Variants in HPGD observed in about 807,000 individuals in gnomAD.
The protein encoded by HPGD is 15-hydroxyprostaglandin dehydrogenase [NAD(+)].
Under a neutral mutation model 30.0 loss-of-function variants are expected in HPGD, and 29 were observed. That is an observed-to-expected ratio of 0.97 (90% CI 0.72 to 1.32). HPGD has a LOEUF of 1.32. Ranked by LOEUF, HPGD falls within the 40% of genes most tolerant of loss-of-function variation. The pLI, the probability that HPGD is intolerant of heterozygous loss-of-function variation, is 0.00. For synonymous variants in HPGD, 99 were observed against 112.4 expected, an observed-to-expected ratio of 0.88 and a Z score of 0.75; for missense variants, 340 against 322.1, an observed-to-expected ratio of 1.06 and a Z score of -0.43.
At chr4:174,511,869 A>G (rs963184401) in intron 3 of HPGD, among the ~76,000 whole-genome samples, 2 of 152,110 alleles carry the variant, frequency 1.3e-5, no homozygotes, top group Non-Finnish European at 2.9e-5. Context: ...GATGGTCTCA[A>G]TCTCCTGACC....
At chr4:174,513,616 A>G (rs1735623441) in intron 3 of HPGD, among the ~76,000 whole-genome samples, 3 of 152,076 alleles carry the variant, frequency 2.0e-5, no homozygotes, top group African/African-American at 7.2e-5. Context: ...TTAAAAAGGC[A>G]GATGTTCCCA....
At chr4:174,493,399 T>C in intron 5 of HPGD, 85 bp from the exon 6 acceptor site, 1 of 1,358,336 alleles carries the variant, frequency 7.4e-7, no homozygotes, top group Non-Finnish European at 1.1e-6. Flanking sequence ...CTTACAATTT[T>C]CTGATGTAAA....
rs1263852766 is a variant in HPGD at position 174,494,452 on chromosome 4, A to AT, written c.498+1095dup. Among the ~76,000 whole-genome samples, 1 of 152,158 alleles carries AT rather than the reference A, an allele frequency of 6.6e-6. No homozygotes were observed. Among genetic ancestry groups the AT allele is most frequent in the Non-Finnish European group, 1.5e-5 (1 of 68,024 alleles). ...GACTGTAGAAGTTTCCAGTCTTGTAATTTTAAATATAAAATTTCTGGTCTT... is the reference window on the plus strand; with the variant it reads ...GACTGTAGAAGTTTCCAGTCTTGTAATTTTTAAATATAAAATTTCTGGTCTT... On this transcript the variant is annotated intron_variant, in intron 5 of 6. Coordinates refer to ENST00000296522, the MANE Select transcript of HPGD (RefSeq NM_000860.6). The surrounding 1 kb of genome is among the most constrained non-coding windows in gnomAD (Gnocchi z 4.9).
At chr4:174,522,665 T>C, upstream of HPGD, 1 of 468,840 alleles carries the variant, frequency 2.1e-6, no homozygotes, top group Non-Finnish European at 3.7e-6. Flanking sequence ...TCGCGATCTT[T>C]GCCTTCCGGA....
At chr4:174,516,003 C>A (rs1160174058) in intron 3 of HPGD, among the ~76,000 whole-genome samples, 5 of 151,934 alleles carry the variant, frequency 3.3e-5, no homozygotes, top group Admixed American at 3.3e-4. Context: ...GTTGGCTTGG[C>A]GAGGCTGTAG....
At chr4:174,516,472 C>G (rs1735779651) in intron 3 of HPGD, among the ~76,000 whole-genome samples, 1 of 151,984 alleles carries the variant, frequency 6.6e-6, no homozygotes, top group African/African-American at 2.4e-5. Flanking sequence ...CAATAGTCCC[C>G]AAGGTCTACT....
intron 4 of HPGD, among the ~76,000 whole-genome samples, chr4:174,508,371 C>T (rs1360248115): frequency 6.6e-6 from 1 of 152,154 alleles, no homozygotes; most frequent in Non-Finnish European, 1.5e-5. Flanking sequence ...GTGCTTTTTA[C>T]TTTGCCAAAG....
At chr4:174,503,145 A>C (rs1288673987) in intron 4 of HPGD, among the ~76,000 whole-genome samples, 2 of 152,088 alleles carry the variant, frequency 1.3e-5, no homozygotes, top group Non-Finnish European at 2.9e-5. Context: ...GATTACTTCT[A>C]CTATGTGTCT....
chr4:174,509,027 A>G (rs1735333522), intron 3 of HPGD, among the ~76,000 whole-genome samples: 1 of 152,234 alleles, frequency 6.6e-6, no homozygotes, highest in Admixed American at 6.5e-5. Flanking sequence ...TTAGTTGCCC[A>G]ATATGAGATT....
At position 174,508,793 on chromosome 4, in the gene HPGD, C is replaced by CAAAT; in HGVS notation, c.325-2_325-1insATTT. On this transcript the variant is annotated splice_acceptor_variant, in intron 3 of 6. Coordinates refer to ENST00000296522, the MANE Select transcript of HPGD (RefSeq NM_000860.6). LOFTEE classifies it high-confidence loss of function. ...GATAGGTTCCACTGATAACAGAAAC[C>CAAAT]TAATCCAGAGGCATAAGTGAGAAAA... 1 of 1,537,336 alleles carries CAAAT rather than the reference C, an allele frequency of 6.5e-7. No individual in the cohort carries two copies. The highest frequency in any genetic ancestry group is 9.0e-7 in the Non-Finnish European group (1 of 1,110,834).
At chr4:174,511,938 T>G (rs764250068) in intron 3 of HPGD, among the ~76,000 whole-genome samples, 1 of 152,116 alleles carries the variant, frequency 6.6e-6, no homozygotes, top group East Asian at 1.9e-4. Flanking sequence ...GAGTCACCGC[T>G]CCCGGCCTGC....
At chr4:174,498,368 C>T (rs1008032127) in intron 4 of HPGD, among the ~76,000 whole-genome samples, 3 of 151,816 alleles carry the variant, frequency 2.0e-5, no homozygotes, top group African/African-American at 7.3e-5. Context: ...TACAATAAAA[C>T]TGCACGTATT....
At chr4:174,521,430 T>G (rs1490367262) in intron 2 of HPGD, among the ~76,000 whole-genome samples, 2 of 152,206 alleles carry the variant, frequency 1.3e-5, no homozygotes, top group Non-Finnish European at 2.9e-5. Context: ...TTTAAAGTAC[T>G]GTCTCATTGG....
Position 174,493,243 on chromosome 4 carries a change from G to A in HPGD, c.570C>T (p.Ile190=), listed in dbSNP as rs766867050. The part of the protein sequence containing the change: ...AICPGFVNTA[I]LESIEKEENM... ...TTTCTTCTTTTTCAATTGATTCAAG[G>A]ATGGCTGTGTTAACAAAGCCTGGAC... The change falls in exon 6 of 7, where the codon ATC becomes ATT. Residue 190 remains isoleucine (I), a synonymous_variant. Transcript: ENST00000296522. The A allele has an allele frequency of 1.2e-6, 2 of 1,612,790 alleles. No homozygotes were observed. The highest frequency in any genetic ancestry group is 1.1e-5 in the South Asian group (1 of 91,046).
chr4:174,519,653 C>A (rs1223883266), intron 2 of HPGD, among the ~76,000 whole-genome samples: 3 of 152,170 alleles, frequency 2.0e-5, no homozygotes, highest in Non-Finnish European at 4.4e-5. Flanking sequence ...CCTGGCTCAT[C>A]CTGGCTCAAA....
rs1734610194 is a variant in HPGD, at chr4:174,496,642, G to T, written c.422-1018C>A. On this transcript the variant is annotated intron_variant, in intron 4 of 6. Transcript: ENST00000296522. The surrounding 1 kb of genome is among the most constrained non-coding windows in gnomAD (Gnocchi z 4.6). ...TCTGAGTCAAGTAACAGTGATCCCT[G>T]ATTATTATACTATATTTAATATCAA... Among the ~76,000 whole-genome samples the T allele has an allele frequency of 1.3e-5, 2 of 152,120 alleles. No individual in the cohort carries two copies. The highest frequency in any genetic ancestry group is 4.1e-4 in the South Asian group (2 of 4,820).
chr4:174,493,155 A>G lies in HPGD; in HGVS notation c.658T>C (p.Leu220=), dbSNP rs765590699. 33 of 1,589,380 alleles carry G rather than the reference A, an allele frequency of 2.1e-5. No individual in the cohort carries two copies. Among genetic ancestry groups the G allele is most frequent in the Non-Finnish European group, 2.7e-5 (31 of 1,161,094 alleles). ...IKDMIKYYGI[L]DPPLIANGLI... ...AATAGACATAGTTTTACTTACTCCAAAATTCCATAGTATTTAATCATATCC... is the reference window on the plus strand; with the variant it reads ...AATAGACATAGTTTTACTTACTCCAGAATTCCATAGTATTTAATCATATCC... The change falls in exon 6 of 7, where the codon TTG becomes CTG. Residue 220 remains leucine (L), a synonymous_variant. Transcript: ENST00000296522.
At chr4:174,520,541 GC>G (rs2110882624) in intron 2 of HPGD, among the ~76,000 whole-genome samples, 1 of 152,292 alleles carries the variant, frequency 6.6e-6, no homozygotes, top group African/African-American at 2.4e-5. Flanking sequence ...TGACCAACAT[GC>G]CTTCCCGGGT....
chr4:174,518,336 T>G (rs139929832), intron 2 of HPGD, among the ~76,000 whole-genome samples: 9 of 152,306 alleles, frequency 5.9e-5, no homozygotes, highest in Non-Finnish European at 1.2e-4. Flanking sequence ...CTTTAACATA[T>G]TCTTACATGA....
Sources: allele counts gnomAD v4.1 joint callset (sites outside exome capture counted in the v4.1 genomes callset), GRCh38; gene constraint gnomAD v4.1.1; non-coding constraint Gnocchi (gnomAD v3.1); transcripts MANE v1.5; gene names NCBI Gene and HGNC (gene_info 2026-07-23, HGNC 2026-07-21).